LRRC4C: variants seen among roughly 807,000 people sequenced by gnomAD.
The protein encoded by LRRC4C is leucine rich repeat containing 4C.
Under a neutral mutation model 33.6 loss-of-function variants are expected in LRRC4C, and 5 were observed. That is an observed-to-expected ratio of 0.15 (90% CI 0.08 to 0.31). The LOEUF is 0.31. LRRC4C is among the 10% of genes least tolerant of loss of function. The pLI, the probability that LRRC4C is intolerant of heterozygous loss-of-function variation, is 1.00. For synonymous variants in LRRC4C, 329 were observed against 302.0 expected, an observed-to-expected ratio of 1.09 and a Z score of -0.93; for missense variants, 560 against 796.7, an observed-to-expected ratio of 0.70 and a Z score of 3.58.
intron 3 of LRRC4C, among the ~76,000 whole-genome samples, chr11:40,323,412 G>C (rs1005868020): frequency 1.3e-5 from 2 of 152,148 alleles, no homozygotes; most frequent in Non-Finnish European, 2.9e-5. Flanking sequence ...TGTTTAGGAC[G>C]ATGTCTCTTC....
At chr11:40,994,818 T>C in intron 1 of LRRC4C, among the ~76,000 whole-genome samples, 1 of 69,824 alleles carries the variant, frequency 1.4e-5, no homozygotes, top group Admixed American at 1.2e-4. Context: ...ATTTATACTT[T>C]TTTTTTAACT....
rs1006151606 is a variant in LRRC4C at position 41,136,303 on chromosome 11, C to T, written c.-495-202580G>A. ...GTATGGGTATAAAGGTGTTATAGAG[C>T]GGTTCCAGGCAAAGGAAACAATATG... On this transcript the variant is annotated intron_variant, in intron 1 of 6. Coordinates refer to ENST00000528697, the MANE Select transcript of LRRC4C (RefSeq NM_001258419.2). Among the ~76,000 whole-genome samples the T allele has an allele frequency of 1.3e-4, 19 of 151,928 alleles. 1 individual carries two copies. The highest frequency in any genetic ancestry group is 1.3e-4 in the Admixed American group (2 of 15,238).
At chr11:40,789,851 G>C (rs1475638133) in intron 2 of LRRC4C, among the ~76,000 whole-genome samples, 1 of 152,142 alleles carries the variant, frequency 6.6e-6, no homozygotes, top group Non-Finnish European at 1.5e-5. Context: ...GCACATAATA[G>C]AGTCACACAC....
chr11:41,333,857 G>A (rs886133489), intron 1 of LRRC4C, among the ~76,000 whole-genome samples: 3 of 152,096 alleles, frequency 2.0e-5, no homozygotes, highest in Non-Finnish European at 4.4e-5. Context: ...AATCTTATGT[G>A]TCAATCTATA....
At chr11:40,515,623 T>C (rs12802845) in intron 3 of LRRC4C, among the ~76,000 whole-genome samples, 11 of 152,066 alleles carry the variant, frequency 7.2e-5, no homozygotes, top group Non-Finnish European at 1.5e-4. Context: ...TCTAATTTTG[T>C]TCAGTTTTGT....
chr11:40,801,043 C>T (rs1951020540), intron 2 of LRRC4C, among the ~76,000 whole-genome samples: 1 of 152,162 alleles, frequency 6.6e-6, no homozygotes, highest in African/African-American at 2.4e-5. Flanking sequence ...TAATTATATT[C>T]CGCACTCTAA....
chr11:41,008,078 T>C (rs2137483341), intron 1 of LRRC4C, among the ~76,000 whole-genome samples: 1 of 152,242 alleles, frequency 6.6e-6, no homozygotes, highest in East Asian at 1.9e-4. Flanking sequence ...TAGCAAGTAC[T>C]ATTGCCAAAA....
Position 40,253,555 on chromosome 11 carries a change from T to A in LRRC4C, c.-175-11957A>T, listed in dbSNP as rs533687731. On this transcript the variant is annotated intron_variant, in intron 4 of 6. Coordinates refer to ENST00000528697, the MANE Select transcript of LRRC4C (RefSeq NM_001258419.2). The stretch of plus-strand genomic sequence containing the variant: ...AAATGCTTGTGGTGACTAAATGAGA[T>A]AATCAATGGAAATGACTTCCTGTGC... Among the ~76,000 whole-genome samples the A allele has an allele frequency of 3.4e-4, 52 of 152,300 alleles. 1 individual carries two copies. In the South Asian group the frequency reaches 0.011, roughly 32 times the overall value.
At chr11:41,252,332 A>G (rs1483876520) in intron 1 of LRRC4C, among the ~76,000 whole-genome samples, 1 of 152,140 alleles carries the variant, frequency 6.6e-6, no homozygotes, top group Non-Finnish European at 1.5e-5. Context: ...TCTTGGTTAC[A>G]TTTTGAAGAG....
rs900248465 is a variant in LRRC4C at position 40,736,632 on chromosome 11, A to G, written c.-406-88354T>C. On this transcript the variant is annotated intron_variant, in intron 2 of 6. Transcript: ENST00000528697. ...TGAATTAATTTACACTCCCACAAAC[A>G]GTGTAAAAGCGTTCCTACTTCTCCA... Among the ~76,000 whole-genome samples, 3 of 152,154 alleles carry G rather than the reference A, an allele frequency of 2.0e-5. No individual in the cohort carries two copies. In the East Asian group the frequency reaches 5.8e-4, roughly 29 times the overall value.
At chr11:40,363,790 C>T (rs1948077282) in intron 3 of LRRC4C, among the ~76,000 whole-genome samples, 1 of 152,176 alleles carries the variant, frequency 6.6e-6, no homozygotes, top group Non-Finnish European at 1.5e-5. Context: ...GATGCCAATT[C>T]TGGCTTTGAA....
chr11:40,261,802 C>T lies in LRRC4C; in HGVS notation c.-175-20204G>A, dbSNP rs543136052. Among the ~76,000 whole-genome samples, 25 of 152,110 alleles carry T rather than the reference C, an allele frequency of 1.6e-4. No individual in the cohort carries two copies. In the South Asian group the frequency reaches 1.7e-3, roughly 10 times the overall value. Reference sequence around the variant, plus strand: ...GCTAGCCATATGCAGAAAACTGAAACGACCCCTTCCTTACACCTTATACAA... The same window carrying T: ...GCTAGCCATATGCAGAAAACTGAAATGACCCCTTCCTTACACCTTATACAA... On this transcript the variant is annotated intron_variant, in intron 4 of 6. Transcript: ENST00000528697.
intron 2 of LRRC4C, among the ~76,000 whole-genome samples, chr11:40,798,854 G>C (rs1251045752): frequency 6.6e-6 from 1 of 152,004 alleles, no homozygotes. Context: ...ATGTTGGCCA[G>C]GCTGTTCTTA....
intron 1 of LRRC4C, among the ~76,000 whole-genome samples, chr11:41,259,754 T>A (rs1481014059): frequency 2.6e-5 from 4 of 152,084 alleles, no homozygotes; most frequent in Admixed American, 6.6e-5. Context: ...AGCTGCGAAC[T>A]ATTTACTTAT....
intron 1 of LRRC4C, among the ~76,000 whole-genome samples, chr11:41,339,913 A>G (rs1755947091): frequency 6.6e-6 from 1 of 152,214 alleles, no homozygotes; most frequent in South Asian, 2.1e-4. Flanking sequence ...CTCCAGCCTC[A>G]GTGAAGGTCA....
intron 1 of LRRC4C, among the ~76,000 whole-genome samples, chr11:41,013,982 C>A (rs1302115343): frequency 6.6e-6 from 1 of 152,090 alleles, no homozygotes; most frequent in Non-Finnish European, 1.5e-5. Context: ...AGGGATCCAC[C>A]CCCATGACCG....
chr11:40,149,854 A>G (rs1411209166), intron 5 of LRRC4C, among the ~76,000 whole-genome samples: 1 of 152,196 alleles, frequency 6.6e-6, no homozygotes, highest in Non-Finnish European at 1.5e-5. Flanking sequence ...TCTAGTAGAC[A>G]TAACAGGGGC....
chr11:41,143,039 T>TCTCCTAGC (rs1943577940), intron 1 of LRRC4C, among the ~76,000 whole-genome samples: 1 of 152,066 alleles, frequency 6.6e-6, no homozygotes, highest in South Asian at 2.1e-4. Context: ...GTCTATTTCC[T>TCTCCTAGC]CTCCTAGCCT....
At chr11:40,484,565 T>C (rs764883635) in intron 3 of LRRC4C, among the ~76,000 whole-genome samples, 1 of 152,034 alleles carries the variant, frequency 6.6e-6, no homozygotes, top group Non-Finnish European at 1.5e-5. Context: ...TTATTAGTTA[T>C]AGGAGTTGAA....
Sources: allele counts gnomAD v4.1 joint callset (sites outside exome capture counted in the v4.1 genomes callset), GRCh38; gene constraint gnomAD v4.1.1; transcripts MANE v1.5; gene names NCBI Gene and HGNC (gene_info 2026-07-23, HGNC 2026-07-21).